NUP210L: variants seen among roughly 807,000 people sequenced by gnomAD.
The protein encoded by NUP210L is nuclear pore membrane glycoprotein 210-like.
Under a neutral mutation model 208.5 loss-of-function variants are expected in NUP210L, and 74 were observed. The observed-to-expected ratio is 0.35, with a 90% CI of 0.29 to 0.43. The LOEUF (loss-of-function observed/expected upper bound fraction) is 0.43. Ranked by LOEUF, NUP210L falls within the 20% of genes least tolerant of loss-of-function variation. The pLI, the probability that NUP210L is intolerant of heterozygous loss-of-function variation, is 1.00. For missense variants in NUP210L, 1,843 were observed against 2,289.4 expected (o/e 0.81, Z 3.98); for synonymous variants, 780 against 816.9 (o/e 0.95, Z 0.77).
At chr1:154,121,864 C>CAA (rs1247137861) in intron 10 of NUP210L, among the ~76,000 whole-genome samples, 1 of 128,166 alleles carries the variant, frequency 7.8e-6, no homozygotes, top group African/African-American at 2.9e-5. Flanking sequence ...GACTCCATCT[C>CAA]AAAAAAAAAA....
intron 7 of NUP210L, among the ~76,000 whole-genome samples, chr1:154,135,030 G>A (rs997665932): frequency 6.6e-6 from 1 of 152,092 alleles, no homozygotes; most frequent in Admixed American, 6.5e-5. Flanking sequence ...GAGCCACCAC[G>A]CCCGGCCTCT....
At chr1:154,151,523 G>A (rs1214394558) in intron 2 of NUP210L, among the ~76,000 whole-genome samples, 1 of 151,982 alleles carries the variant, frequency 6.6e-6, no homozygotes, top group Non-Finnish European at 1.5e-5. Flanking sequence ...GGAACCAAAA[G>A]GTTAAAGGGA....
At chr1:154,046,248 T>C in intron 26 of NUP210L, 41 bp downstream of exon 26, 1 of 1,614,100 alleles carries the variant, frequency 6.2e-7, no homozygotes, top group Non-Finnish European at 8.5e-7. Flanking sequence ...CCAGTTGCAA[T>C]TATCAGAATA....
intron 13 of NUP210L, among the ~76,000 whole-genome samples, chr1:154,102,658 C>G (rs1656527859): frequency 6.6e-6 from 1 of 152,006 alleles, no homozygotes; most frequent in African/African-American, 2.4e-5. Context: ...AAATGCTAAG[C>G]AAATCTTAGA....
At chr1:154,084,472 A>G (rs1655520411) in intron 16 of NUP210L, among the ~76,000 whole-genome samples, 1 of 152,024 alleles carries the variant, frequency 6.6e-6, no homozygotes, top group African/African-American at 2.4e-5. Flanking sequence ...TCAGCCTCCC[A>G]AAGTGCTGGG....
At position 154,108,616 on chromosome 1, in the gene NUP210L, A is replaced by T. The variant is rs188401860; in HGVS notation, c.1621-4406T>A. Among the ~76,000 whole-genome samples the T allele has an allele frequency of 2.2e-4, 33 of 151,888 alleles. 2 individuals are homozygous for T. The highest frequency in any genetic ancestry group is 8.0e-4 in the African/African-American group (33 of 41,132). On this transcript the variant is annotated intron_variant, in intron 12 of 39. Transcript: ENST00000368559. Reference sequence around the variant, plus strand: ...CAAAAATAAAACACAAGAAATTAAAACATACCACTGGAGAAAATCACCTTC... The same window carrying T: ...CAAAAATAAAACACAAGAAATTAAATCATACCACTGGAGAAAATCACCTTC...
intron 2 of NUP210L, among the ~76,000 whole-genome samples, chr1:154,148,080 A>T (rs1380569236): frequency 1.3e-5 from 2 of 150,492 alleles, no homozygotes; most frequent in Non-Finnish European, 3.0e-5. Flanking sequence ...CAACATGGCC[A>T]ACATGGCGAA....
chr1:154,070,951 G>T (rs751231608), intron 16 of NUP210L, among the ~76,000 whole-genome samples: 26 of 152,152 alleles, frequency 1.7e-4, no homozygotes, highest in Non-Finnish European at 3.7e-4. Flanking sequence ...GTTAATCAAG[G>T]TGTATGTATG....
intron 38 of NUP210L, among the ~76,000 whole-genome samples, chr1:153,994,404 T>C (rs1395634497): frequency 1.3e-5 from 2 of 152,104 alleles, no homozygotes; most frequent in Middle Eastern, 3.4e-3. Context: ...AACCTGTGTC[T>C]CCCAGGTTCA....
intron 34 of NUP210L, among the ~76,000 whole-genome samples, chr1:154,011,683 T>G (rs1650930743): frequency 1.6e-5 from 2 of 127,790 alleles, no homozygotes; most frequent in Non-Finnish European, 3.4e-5. Flanking sequence ...TCTTAAGTTT[T>G]TTTTTTTTTT....
At chr1:154,141,240 G>T (rs1310138108) in intron 4 of NUP210L, among the ~76,000 whole-genome samples, 191 bp downstream of exon 4, 1 of 152,068 alleles carries the variant, frequency 6.6e-6, no homozygotes. Context: ...CAGATTAAGC[G>T]ATCATAAAGG....
intron 28 of NUP210L, among the ~76,000 whole-genome samples, chr1:154,029,395 A>C (rs966747701): frequency 6.9e-6 from 1 of 145,012 alleles, no homozygotes; most frequent in African/African-American, 2.5e-5. Flanking sequence ...AAAAAAAAAA[A>C]AAAAAACCAC....
chr1:154,026,835 C>A (rs920746534), intron 29 of NUP210L, among the ~76,000 whole-genome samples: 3 of 152,064 alleles, frequency 2.0e-5, no homozygotes, highest in Non-Finnish European at 4.4e-5. Flanking sequence ...ATAATCCCAG[C>A]ACTTTGGGAG....
At chr1:154,017,471 C>T (rs575527594) in intron 33 of NUP210L, among the ~76,000 whole-genome samples, 1 of 151,848 alleles carries the variant, frequency 6.6e-6, no homozygotes, top group Non-Finnish European at 1.5e-5. Context: ...TTCCAGGATA[C>T]ACATATCTCT....
chr1:154,047,301 C>A (rs1653239800), intron 25 of NUP210L, among the ~76,000 whole-genome samples: 1 of 152,042 alleles, frequency 6.6e-6, no homozygotes, highest in Non-Finnish European at 1.5e-5. Flanking sequence ...GTGGTGGATA[C>A]CCCATTTACC....
chr1:154,036,688 C>T (rs1456648121), intron 27 of NUP210L, among the ~76,000 whole-genome samples: 2 of 151,290 alleles, frequency 1.3e-5, no homozygotes, highest in East Asian at 3.9e-4. Flanking sequence ...TTTTAAGAGA[C>T]AGGGTCTCGC....
intron 10 of NUP210L, among the ~76,000 whole-genome samples, chr1:154,125,635 AAGG>A (rs1557994626): frequency 0.33 from 877 of 2,696 alleles, 9 homozygotes; most frequent in African/African-American, 0.38. Context: ...GGAAGGAAGG[AAGG>A]AAGGAAGGAA....
chr1:154,136,666 A>T (rs1471458964), intron 6 of NUP210L, among the ~76,000 whole-genome samples: 1 of 151,546 alleles, frequency 6.6e-6, no homozygotes. Flanking sequence ...CACGCCTGTA[A>T]TCCCAGCACC....
chr1:154,065,589 T>C (rs149151167), intron 17 of NUP210L, among the ~76,000 whole-genome samples: 45 of 152,066 alleles, frequency 3.0e-4, no homozygotes, highest in Admixed American at 1.4e-3. Context: ...AATAAAACTC[T>C]TGCCCATAAG....
Sources: allele counts gnomAD v4.1 joint callset (sites outside exome capture counted in the v4.1 genomes callset), GRCh38; gene constraint gnomAD v4.1.1; transcripts MANE v1.5; gene names NCBI Gene and HGNC (gene_info 2026-07-23, HGNC 2026-07-21).